BAZ1B: variants seen among roughly 807,000 people sequenced by gnomAD.
BAZ1B encodes the protein tyrosine-protein kinase BAZ1B.
Under a neutral mutation model 153.8 loss-of-function variants are expected in BAZ1B, and 22 were observed. That is an observed-to-expected ratio of 0.14 (90% CI 0.10 to 0.20). BAZ1B has a LOEUF of 0.20. Among genes scored for constraint, BAZ1B ranks in the 10% least tolerant of loss-of-function variants. BAZ1B has a pLI of 1.00. For missense variants in BAZ1B, 1,325 were observed against 1,799.3 expected, an observed-to-expected ratio of 0.74 and a Z score of 4.77; for synonymous variants, 676 against 633.4, an observed-to-expected ratio of 1.07 and a Z score of -1.01.
rs373685565 is a variant in BAZ1B, at chr7:73,498,564, C to T, written c.504G>A (p.Gln168=). The change falls in exon 4 of 20, where the codon CAG becomes CAA. Residue 168 remains glutamine (Q), a synonymous_variant. Coordinates refer to ENST00000339594, the MANE Select transcript of BAZ1B (RefSeq NM_032408.4). ...SPSSDKENSS[Q]IAQDHQKKET... is the part of the protein sequence containing the mutation. ...CCTTCTTCTGATGGTCCTGAGCAAT[C>T]TGACTGGAGTTCTCTTTGTCACTTG... 2.9e-5 allele frequency: 47 copies of T among 1,614,038 alleles called. No individual in the cohort carries two copies. Among genetic ancestry groups the T allele is most frequent in the Non-Finnish European group, 3.9e-5 (46 of 1,180,026 alleles).
At chr7:73,501,774 C>T (rs1554577179) in intron 3 of BAZ1B, among the ~76,000 whole-genome samples, 3 of 152,130 alleles carry the variant, frequency 2.0e-5, no homozygotes, top group Non-Finnish European at 4.4e-5. Flanking sequence ...TTAAATGTTG[C>T]CTCCTCAGAG....
chr7:73,449,261 G>A (rs1283943132), intron 15 of BAZ1B, among the ~76,000 whole-genome samples: 3 of 152,196 alleles, frequency 2.0e-5, no homozygotes, highest in African/African-American at 7.2e-5. Context: ...GTGGGCAACA[G>A]GAGGCTAAAG....
At chr7:73,456,937 CAAAAAAAAAAAAAAAAAAA>C (rs71071937) in intron 13 of BAZ1B, among the ~76,000 whole-genome samples, 132 of 39,566 alleles carry the variant, frequency 3.3e-3, no homozygotes, top group African/African-American at 8.5e-3. Flanking sequence ...GACTCTGTCT[CAAAAAAAAAAAAAAAAAAA>C]AAAAAAAAAA....
Position 73,442,184 on chromosome 7 carries a change from G to A in BAZ1B, c.*12C>T, listed in dbSNP as rs144710993. On this transcript the variant is annotated 3_prime_UTR_variant, in exon 19 of 20. Coordinates refer to ENST00000339594, the MANE Select transcript of BAZ1B (RefSeq NM_032408.4). ...CCCCCCACCTCAGCTCCCTTACCACGGCCCTGCCTCTCTACTTCTTCTGTC... is the reference window on the plus strand; with the variant it reads ...CCCCCCACCTCAGCTCCCTTACCACAGCCCTGCCTCTCTACTTCTTCTGTC... 1,585 of 899,282 alleles carry A rather than the reference G, an allele frequency of 1.8e-3. 36 individuals are homozygous for A. In the East Asian group the frequency reaches 0.1, roughly 58 times the overall value. The allele number at this position is 899,282 out of a possible 1,614,324, so 55.7% of individuals were successfully genotyped here.
intron 4 of BAZ1B, among the ~76,000 whole-genome samples, chr7:73,493,496 C>CCTAACTTAGTATT (rs1173128098): frequency 2.0e-5 from 3 of 151,712 alleles, no homozygotes; most frequent in African/African-American, 7.3e-5. Flanking sequence ...TATGAGAATA[C>CCTAACTTAGTATT]AGAGAAGGAA....
chr7:73,477,592 T>G lies in BAZ1B; in HGVS notation c.1869A>C (p.Leu623=). ...VVEFLSCYSG[L]LLPDAQYPIT... is the part of the protein sequence containing the mutation. ...TAGGATACTGAGCATCTGGTAAAAG[T>G]AGCCCAGAATAACAGCTCAAGAATT... is the stretch of plus-strand genomic sequence containing the variant. Residue 623 remains leucine (L), a synonymous_variant, in exon 7 of 20, where the codon CTA becomes CTC. Coordinates refer to ENST00000339594, the MANE Select transcript of BAZ1B (RefSeq NM_032408.4). The surrounding 1 kb of genome is among the most constrained non-coding windows in gnomAD (Gnocchi z 5.6). The G allele has an allele frequency of 6.2e-7, 1 of 1,614,186 alleles. No individual in the cohort carries two copies. The highest frequency in any genetic ancestry group is 8.5e-7 in the Non-Finnish European group (1 of 1,180,034).
chr7:73,508,478 A>G lies in BAZ1B; in HGVS notation c.225-7T>C. On this transcript the variant is annotated splice_polypyrimidine_tract_variant and splice_region_variant and intron_variant, in intron 2 of 19. Transcript: ENST00000339594. ...AGGAAACTCCTCCTTCAAACTAAAT[A>G]AATGTAATTAGTTATCAAGAAAACA... 1 of 1,601,528 alleles carries G rather than the reference A, an allele frequency of 6.2e-7. No individual in the cohort carries two copies. Among genetic ancestry groups the G allele is most frequent in the Non-Finnish European group, 8.5e-7 (1 of 1,174,312 alleles).
intron 3 of BAZ1B, among the ~76,000 whole-genome samples, chr7:73,503,161 A>G (rs2116429916): frequency 6.6e-6 from 1 of 152,324 alleles, no homozygotes. Context: ...AATTGTATTC[A>G]GCAATGCCGA....
At chr7:73,469,727 A>T (rs1788725100) in intron 8 of BAZ1B, 77 bp from the exon 9 acceptor site, 1 of 1,533,584 alleles carries the variant, frequency 6.5e-7, no homozygotes, top group Non-Finnish European at 9.0e-7. Context: ...GGAGAAGATA[A>T]TACAGAGTAT....
intron 13 of BAZ1B, among the ~76,000 whole-genome samples, chr7:73,453,658 AAAG>A (rs1283598513): frequency 6.6e-6 from 1 of 152,202 alleles, no homozygotes; most frequent in African/African-American, 2.4e-5. Context: ...TAGACATCTA[AAAG>A]GTTACCTAGG....
In BAZ1B at chr7:73,477,219, T is replaced by G. The variant is rs782445002; in HGVS notation, c.2242A>C (p.Ile748Leu). The change falls in exon 7 of 20, where the codon ATC becomes CTC. Residue 748 changes from isoleucine to leucine, a missense_variant. Ile to Leu is a conservative substitution (Grantham distance 5). Around this residue, in one of 9 missense-constraint regions of BAZ1B, gnomAD observed 431 missense variants for 563.5 expected, o/e 0.76. Transcript: ENST00000339594. The surrounding 1 kb of genome is among the most constrained non-coding windows in gnomAD (Gnocchi z 5.6). ...ATCCGGTGGCACAGTGCTGTCAAGATCTGTAGCTTCTCCTCTGACGTCAGC... is the reference window on the plus strand; with the variant it reads ...ATCCGGTGGCACAGTGCTGTCAAGAGCTGTAGCTTCTCCTCTGACGTCAGC... ...FELTSEEKLQILTALCHRILM... is the reference protein window; with the variant it reads ...FELTSEEKLQLLTALCHRILM... The G allele has an allele frequency of 1.9e-6, 3 of 1,614,232 alleles. No homozygotes were observed. In the Admixed American group the frequency reaches 5.0e-5, roughly 27 times the overall value.
At chr7:73,471,985 A>G (rs1788823012) in intron 7 of BAZ1B, among the ~76,000 whole-genome samples, 1 of 152,322 alleles carries the variant, frequency 6.6e-6, no homozygotes, top group South Asian at 2.1e-4. Context: ...TCACCAAAGG[A>G]AGACCAAATT....
At chr7:73,470,588 CAA>C in intron 7 of BAZ1B, 105 bp from the exon 8 acceptor site, 1 of 1,328,588 alleles carries the variant, frequency 7.5e-7, no homozygotes, top group Admixed American at 2.4e-5. Context: ...CAGTAGTTAT[CAA>C]ATCTTAGTTT....
intron 1 of BAZ1B, among the ~76,000 whole-genome samples, chr7:73,511,621 T>C (rs2115571772): frequency 6.6e-6 from 1 of 152,250 alleles, no homozygotes; most frequent in Admixed American, 6.5e-5. Context: ...ACTTACGCTG[T>C]ACCAAAAACT....
chr7:73,460,175 C>A (rs946673096), intron 12 of BAZ1B, among the ~76,000 whole-genome samples: 1 of 132,486 alleles, frequency 7.5e-6, no homozygotes, highest in Non-Finnish European at 1.5e-5. Flanking sequence ...GGTGACACAG[C>A]GAGACTCCGT....
chr7:73,478,978 A>C (rs1554573316), intron 6 of BAZ1B, among the ~76,000 whole-genome samples: 3 of 152,178 alleles, frequency 2.0e-5, no homozygotes. Flanking sequence ...AAAGTTTAAA[A>C]AGCACTGTTC....
chr7:73,466,229 C>T (rs1788578893), intron 10 of BAZ1B, 67 bp downstream of exon 10: 8 of 1,200,672 alleles, frequency 6.7e-6, no homozygotes, highest in East Asian at 2.3e-5. Flanking sequence ...CATCACTATA[C>T]TAAATACTTT....
At chr7:73,469,478 G>A (rs782549246) in intron 9 of BAZ1B, 39 bp downstream of exon 9, 5 of 1,608,940 alleles carry the variant, frequency 3.1e-6, no homozygotes, top group South Asian at 2.2e-5. Context: ...GCCCACTTGA[G>A]CAGGGTGAAA....
At position 73,498,657 on chromosome 7, in the gene BAZ1B, A is replaced by G; in HGVS notation, c.411T>C (p.Ile137=). ...CTTCATCCACTTTCTCCAAAGGATGAATCTTCACAATCTTCACCTTGAGCA... is the reference window on the plus strand; with the variant it reads ...CTTCATCCACTTTCTCCAAAGGATGGATCTTCACAATCTTCACCTTGAGCA... ...EKMLKVKIVK[I]HPLEKVDEEA... is the part of the protein sequence containing the mutation. The change falls in exon 4 of 20, where the codon ATT becomes ATC. Residue 137 remains isoleucine, a synonymous_variant. Coordinates refer to ENST00000339594, the MANE Select transcript of BAZ1B (RefSeq NM_032408.4). The G allele has an allele frequency of 6.2e-7, 1 of 1,614,110 alleles. No individual in the cohort carries two copies. The highest frequency in any genetic ancestry group is 8.5e-7 in the Non-Finnish European group (1 of 1,180,026).
Sources: allele counts gnomAD v4.1 joint callset (sites outside exome capture counted in the v4.1 genomes callset), GRCh38; gene constraint gnomAD v4.1.1; regional missense constraint gnomAD v4.1.1; non-coding constraint Gnocchi (gnomAD v3.1); transcripts MANE v1.5; gene names NCBI Gene and HGNC (gene_info 2026-07-23, HGNC 2026-07-21).